The following RAB38 variants were observed in gnomAD, a reference collection of about 807,000 sequenced individuals.
The protein encoded by RAB38 is RAB38, member RAS oncogene family.
RAB38 carries 15 observed loss-of-function variants against 18.4 expected under a neutral mutation model. That is an observed-to-expected ratio of 0.82 (90% CI 0.55 to 1.26). The LOEUF is 1.26. Ranked by LOEUF, RAB38 falls within the 50% of genes most tolerant of loss-of-function variation. RAB38 has a pLI of 0.00. For missense variants in RAB38, 294 were observed against 267.4 expected, an observed-to-expected ratio of 1.10 and a Z score of -0.69; for synonymous variants, 101 against 104.4, an observed-to-expected ratio of 0.97 and a Z score of 0.20.
At chr11:87,919,215 A>G in the RAB38 span, among the ~76,000 whole-genome samples, 1 of 151,976 alleles carries the variant, frequency 6.6e-6, no homozygotes, top group East Asian at 1.9e-4. Flanking sequence ...TTATTGGTCT[A>G]TGCATCTGTT....
the RAB38 span, among the ~76,000 whole-genome samples, chr11:88,056,392 T>C: frequency 6.6e-6 from 1 of 152,154 alleles, no homozygotes; most frequent in Non-Finnish European, 1.5e-5. Context: ...CTGGTATTTC[T>C]TGTGTGGTGT....
chr11:88,029,220 C>A, the RAB38 span, among the ~76,000 whole-genome samples: 4 of 151,902 alleles, frequency 2.6e-5, no homozygotes, highest in African/African-American at 9.7e-5. Context: ...AAAAGAGCTC[C>A]TGAAGGAAGT....
chr11:88,060,563 G>C, the RAB38 span, among the ~76,000 whole-genome samples: 1 of 152,162 alleles, frequency 6.6e-6, no homozygotes, highest in African/African-American at 2.4e-5. Context: ...AGATCATAAA[G>C]CAAGTGAACA....
At chr11:88,005,549 C>A in the RAB38 span, among the ~76,000 whole-genome samples, 1 of 150,810 alleles carries the variant, frequency 6.6e-6, no homozygotes, top group Non-Finnish European at 1.5e-5. Flanking sequence ...TTGGTTGTCT[C>A]TTTGCTCTGT....
chr11:87,815,328 G>A, the RAB38 span: 1 of 152,140 alleles, frequency 6.6e-6, no homozygotes, highest in Admixed American at 6.6e-5. Context: ...TTGTAAGATT[G>A]CGTATGCAAA....
chr11:87,842,487 C>A, the RAB38 span, among the ~76,000 whole-genome samples: 21 of 152,126 alleles, frequency 1.4e-4, no homozygotes, highest in Admixed American at 2.6e-4. Context: ...CGGAGAGGGG[C>A]CTTCGTTGTA....
At chr11:88,145,252 C>T (rs1000953501) in intron 2 of RAB38, among the ~76,000 whole-genome samples, 7 of 151,838 alleles carry the variant, frequency 4.6e-5, no homozygotes, top group Non-Finnish European at 5.9e-5. Flanking sequence ...CAGGTTCAAG[C>T]GATTCTCCTA....
At chr11:87,877,712 GTT>G in the RAB38 span, among the ~76,000 whole-genome samples, 1 of 151,490 alleles carries the variant, frequency 6.6e-6, no homozygotes, top group Non-Finnish European at 1.5e-5. Flanking sequence ...CCTAGCTATT[GTT>G]TCTTTTTCCA....
the RAB38 span, among the ~76,000 whole-genome samples, chr11:88,028,979 G>A: frequency 6.6e-6 from 1 of 152,274 alleles, no homozygotes; most frequent in African/African-American, 2.4e-5. Context: ...CAGCCAGAGA[G>A]AAAGGTCGGG....
At chr11:88,093,540 T>A in the RAB38 span, among the ~76,000 whole-genome samples, 3 of 152,066 alleles carry the variant, frequency 2.0e-5, no homozygotes, top group South Asian at 6.2e-4. Context: ...CCAGTCCTTT[T>A]GTTCATTGAA....
At chr11:88,025,404 G>A in the RAB38 span, among the ~76,000 whole-genome samples, 1 of 152,002 alleles carries the variant, frequency 6.6e-6, no homozygotes, top group Non-Finnish European at 1.5e-5. Flanking sequence ...CCGAGTAACG[G>A]GATTGCTAGG....
chr11:87,889,872 G>C, the RAB38 span, among the ~76,000 whole-genome samples: 2 of 151,614 alleles, frequency 1.3e-5, no homozygotes, highest in Non-Finnish European at 2.9e-5. Flanking sequence ...CTTAAGGGCA[G>C]ATACCGTACC....
chr11:87,914,343 A>G, the RAB38 span, among the ~76,000 whole-genome samples: 319 of 152,258 alleles, frequency 2.1e-3, no homozygotes, highest in Non-Finnish European at 3.6e-3. Context: ...CCCTTGTTAC[A>G]TTGTAGCAAA....
At chr11:87,928,240 T>G in the RAB38 span, among the ~76,000 whole-genome samples, 1 of 152,100 alleles carries the variant, frequency 6.6e-6, no homozygotes, top group Non-Finnish European at 1.5e-5. Context: ...TCTTTCATGT[T>G]GTACTTTTAA....
downstream of RAB38, among the ~76,000 whole-genome samples, chr11:88,112,257 C>T (rs1335804913): frequency 6.6e-6 from 1 of 152,176 alleles, no homozygotes; most frequent in African/African-American, 2.4e-5. Flanking sequence ...CTTTTCCACT[C>T]AGATCATGCT....
chr11:88,111,959 CA>C (rs1942479856), downstream of RAB38, among the ~76,000 whole-genome samples: 1 of 152,212 alleles, frequency 6.6e-6, no homozygotes, highest in African/African-American at 2.4e-5. Flanking sequence ...ATGTCCACAT[CA>C]TTTATTTCAG....
chr11:87,963,097 A>G, the RAB38 span, among the ~76,000 whole-genome samples: 856 of 152,340 alleles, frequency 5.6e-3, 45 homozygotes, highest in East Asian at 0.13. Context: ...ATAATTTGAT[A>G]TAAGTTGCAT....
In RAB38 at chr11:88,173,466, A is replaced by G. The variant is rs983851996; in HGVS notation, c.202+1717T>C. The G allele has an allele frequency of 3.2e-6, 3 of 929,798 alleles. No homozygotes were observed. In the African/African-American group the frequency reaches 5.4e-5, roughly 17 times the overall value. 57.6% of individuals were successfully genotyped at this position (929,798 alleles called of 1,614,324 possible). A position where few individuals can be genotyped will look rare whatever the true frequency, so the allele number is the denominator to read the frequency against. ...GTAAGGATCCAGATGGAGGCAGTTCAACTCTGGAATTTGGGCTATTAATCA... is the reference window on the plus strand; with the variant it reads ...GTAAGGATCCAGATGGAGGCAGTTCGACTCTGGAATTTGGGCTATTAATCA... On this transcript the variant is annotated intron_variant, in intron 1 of 2. Transcript: ENST00000243662.
the RAB38 span, among the ~76,000 whole-genome samples, chr11:87,856,709 T>G: frequency 6.6e-6 from 1 of 152,124 alleles, no homozygotes; most frequent in Admixed American, 6.6e-5. Flanking sequence ...CTCCTCCTCC[T>G]TCTTCTTCTT....
Sources: allele counts gnomAD v4.1 joint callset (sites outside exome capture counted in the v4.1 genomes callset), GRCh38; gene constraint gnomAD v4.1.1; transcripts MANE v1.5; gene names NCBI Gene and HGNC (gene_info 2026-07-23, HGNC 2026-07-21).